NLGN1: variants seen among roughly 807,000 people sequenced by gnomAD.
The protein encoded by NLGN1 is neuroligin-1.
NLGN1 carries 12 observed loss-of-function variants against 65.5 expected under a neutral mutation model. The ratio of observed to expected loss-of-function variants is 0.18; its 90% CI spans 0.12 to 0.30. NLGN1 has a LOEUF of 0.30. NLGN1 is among the 10% of genes least tolerant of loss of function. NLGN1 has a pLI of 1.00. For synonymous variants in NLGN1, 350 were observed against 359.5 expected (o/e 0.97, Z 0.30); for missense variants, 750 against 1,007.1 (o/e 0.74, Z 3.46).
chr3:173,524,519 A>G (rs995898589), intron 2 of NLGN1, among the ~76,000 whole-genome samples: 1 of 152,186 alleles, frequency 6.6e-6, no homozygotes, highest in African/African-American at 2.4e-5. Context: ...AACAGAGATT[A>G]CTTGGCTTCT....
intron 4 of NLGN1, among the ~76,000 whole-genome samples, chr3:173,873,949 A>T (rs987402951): frequency 2.0e-5 from 3 of 152,308 alleles, no homozygotes; most frequent in Non-Finnish European, 4.4e-5. Flanking sequence ...TGGTGCCATT[A>T]TAAGAAAATG....
chr3:174,208,883 G>A (rs1352879281), intron 4 of NLGN1, among the ~76,000 whole-genome samples: 2 of 152,004 alleles, frequency 1.3e-5, no homozygotes, highest in East Asian at 1.9e-4. Flanking sequence ...ATAGGCAGGT[G>A]GTAATTCTGT....
At chr3:173,838,230 G>A (rs376779975) in intron 4 of NLGN1, among the ~76,000 whole-genome samples, 2 of 141,008 alleles carry the variant, frequency 1.4e-5, no homozygotes, top group Non-Finnish European at 3.1e-5. Context: ...AAAAAAAAAA[G>A]GTTTTATAAT....
chr3:173,672,687 C>T (rs766072677), intron 3 of NLGN1, among the ~76,000 whole-genome samples: 1 of 152,144 alleles, frequency 6.6e-6, no homozygotes. Flanking sequence ...CCATGTAAGA[C>T]GCTTCTTCAT....
intron 2 of NLGN1, among the ~76,000 whole-genome samples, chr3:173,551,377 T>C (rs1740829117): frequency 6.6e-6 from 1 of 152,234 alleles, no homozygotes; most frequent in Admixed American, 6.5e-5. Flanking sequence ...ATCTGTATTA[T>C]GGATTCATTA....
At chr3:173,619,699 G>T (rs1753683953) in intron 3 of NLGN1, among the ~76,000 whole-genome samples, 1 of 152,166 alleles carries the variant, frequency 6.6e-6, no homozygotes, top group South Asian at 2.1e-4. Context: ...GCAGAACCAG[G>T]ATTCAATGCC....
At chr3:173,597,682 G>A (rs1749712349) in intron 2 of NLGN1, among the ~76,000 whole-genome samples, 1 of 96,012 alleles carries the variant, frequency 1.0e-5, no homozygotes, top group South Asian at 3.3e-4. Context: ...AAAAATTTAT[G>A]TAGGAATATA....
intron 4 of NLGN1, among the ~76,000 whole-genome samples, chr3:174,130,926 TACTC>T (rs1474790984): frequency 1.3e-5 from 2 of 152,196 alleles, no homozygotes; most frequent in Admixed American, 1.3e-4. Flanking sequence ...TCCTGCCAAA[TACTC>T]ACAGTGACAA....
At chr3:173,669,221 T>TG (rs1413819262) in intron 3 of NLGN1, among the ~76,000 whole-genome samples, 1 of 152,184 alleles carries the variant, frequency 6.6e-6, no homozygotes, top group Non-Finnish European at 1.5e-5. Context: ...TTACATTTAT[T>TG]GGGTGTGTAG....
chr3:173,650,627 C>A (rs1759017481), intron 3 of NLGN1, among the ~76,000 whole-genome samples: 1 of 152,064 alleles, frequency 6.6e-6, no homozygotes, highest in Non-Finnish European at 1.5e-5. Context: ...CACCAAAATT[C>A]TTGTTTCATT....
chr3:173,413,972 G>A (rs543479891), intron 1 of NLGN1, among the ~76,000 whole-genome samples: 3 of 152,180 alleles, frequency 2.0e-5, no homozygotes, highest in Admixed American at 6.5e-5. Context: ...TCCCCAGCAC[G>A]CGGTTCCACA....
At chr3:173,781,837 C>A (rs891012317) in intron 3 of NLGN1, among the ~76,000 whole-genome samples, 1 of 152,156 alleles carries the variant, frequency 6.6e-6, no homozygotes, top group Non-Finnish European at 1.5e-5. Flanking sequence ...GTATATTAGG[C>A]ACTGGTACTC....
chr3:173,670,724 G>A (rs571761452), intron 3 of NLGN1, among the ~76,000 whole-genome samples: 25 of 152,286 alleles, frequency 1.6e-4, no homozygotes, highest in African/African-American at 6.0e-4. Context: ...AACTGCTAGA[G>A]TGTGTGACCA....
At chr3:173,544,259 C>CATGT (rs144685332) in intron 2 of NLGN1, among the ~76,000 whole-genome samples, 2 of 144,226 alleles carry the variant, frequency 1.4e-5, no homozygotes, top group South Asian at 2.2e-4. Context: ...GATTATATTA[C>CATGT]GTGTGTGTGT....
intron 3 of NLGN1, among the ~76,000 whole-genome samples, chr3:173,632,837 GTT>G (rs59210572): frequency 6.8e-5 from 8 of 117,792 alleles, no homozygotes; most frequent in South Asian, 5.8e-4. Flanking sequence ...CTTGAGTAGT[GTT>G]TTTTTTTTTG....
chr3:173,939,637 T>A (rs189594035), intron 4 of NLGN1, among the ~76,000 whole-genome samples: 66 of 152,328 alleles, frequency 4.3e-4, no homozygotes, highest in Admixed American at 3.5e-3. Context: ...TTTTAACATT[T>A]GGTTTTCATA....
intron 3 of NLGN1, among the ~76,000 whole-genome samples, chr3:173,680,206 C>T (rs7640631): frequency 0.27 from 41,606 of 151,866 alleles, 6,241 homozygotes; most frequent in African/African-American, 0.4. Flanking sequence ...TAGTGGAAGG[C>T]ATTTTAGTTA....
chr3:174,189,269 CT>C (rs1371006055), intron 4 of NLGN1, among the ~76,000 whole-genome samples: 1 of 151,928 alleles, frequency 6.6e-6, no homozygotes, highest in African/African-American at 2.4e-5. Flanking sequence ...AACCCAACCC[CT>C]ATGCCCTCAG....
intron 4 of NLGN1, among the ~76,000 whole-genome samples, chr3:173,894,276 A>T (rs766654516): frequency 3.3e-5 from 5 of 152,160 alleles, no homozygotes; most frequent in Non-Finnish European, 7.3e-5. Context: ...GCAAAAACCT[A>T]GGTCGAACCA....
Sources: allele counts gnomAD v4.1 joint callset (sites outside exome capture counted in the v4.1 genomes callset), GRCh38; gene constraint gnomAD v4.1.1; transcripts MANE v1.5; gene names NCBI Gene and HGNC (gene_info 2026-07-23, HGNC 2026-07-21).